Variants in KHDRBS2 observed in about 807,000 individuals in gnomAD.
KHDRBS2 encodes KH RNA binding domain containing, signal transduction associated 2.
Under a neutral mutation model 44.3 loss-of-function variants are expected in KHDRBS2, and 26 were observed. The observed-to-expected ratio is 0.59, with a 90% CI of 0.43 to 0.81. The LOEUF is 0.81. Among genes scored for constraint, KHDRBS2 ranks in the 40% least tolerant of loss-of-function variants. The probability of loss-of-function intolerance (pLI) is 0.00; values close to 1 mark genes in which losing one functional copy is unlikely to be tolerated. For synonymous variants in KHDRBS2, 194 were observed against 151.1 expected (o/e 1.28, Z -2.08); for missense variants, 476 against 433.1 (o/e 1.10, Z -0.88).
chr6:61,751,622 GA>G (rs1198497921), intron 6 of KHDRBS2, among the ~76,000 whole-genome samples: 1 of 152,274 alleles, frequency 6.6e-6, no homozygotes, highest in East Asian at 1.9e-4. Context: ...ATTTTGTCTG[GA>G]AAAGTAGGAA....
At chr6:62,148,438 C>T (rs1814397058) in intron 2 of KHDRBS2, among the ~76,000 whole-genome samples, 2 of 151,782 alleles carry the variant, frequency 1.3e-5, no homozygotes, top group South Asian at 4.1e-4. Flanking sequence ...AGATAGAGTA[C>T]AATATGGTAA....
intron 1 of KHDRBS2, among the ~76,000 whole-genome samples, chr6:62,260,490 C>G (rs566891311): frequency 6.6e-6 from 1 of 152,054 alleles, no homozygotes; most frequent in Non-Finnish European, 1.5e-5. Flanking sequence ...CACACTATTT[C>G]CAAGTAGTTA....
chr6:61,606,807 T>C, the KHDRBS2 span, among the ~76,000 whole-genome samples: 2 of 152,152 alleles, frequency 1.3e-5, no homozygotes, highest in Non-Finnish European at 2.9e-5. Flanking sequence ...CAGGTGCAAA[T>C]ATCTTCCACA....
chr6:61,818,723 T>C (rs1789387492), intron 6 of KHDRBS2, among the ~76,000 whole-genome samples: 1 of 152,016 alleles, frequency 6.6e-6, no homozygotes, highest in Non-Finnish European at 1.5e-5. Context: ...GTTTGGTTAC[T>C]GTAAGCCATT....
intron 3 of KHDRBS2, among the ~76,000 whole-genome samples, chr6:61,989,046 A>G (rs1176033824): frequency 6.6e-6 from 1 of 152,234 alleles, no homozygotes; most frequent in Non-Finnish European, 1.5e-5. Context: ...ACAGACAAAT[A>G]CAAATTAAAA....
At chr6:61,575,050 TATGCCAAGAGTTC>T in the KHDRBS2 span, among the ~76,000 whole-genome samples, 1 of 152,180 alleles carries the variant, frequency 6.6e-6, no homozygotes, top group Non-Finnish European at 1.5e-5. Flanking sequence ...GACATTGGCT[TATGCCAAGAGTTC>T]ATGACCAAGA....
rs1302457900 is a variant in KHDRBS2, at chr6:61,873,337, T to G, written c.810+21298A>C. On this transcript the variant is annotated intron_variant, in intron 6 of 8. Transcript: ENST00000281156. ...TGCAAAAACAGTAGAAAAACAGGCA[T>G]AGTTATGCAAGCATTTCCAAAAAAT... Among the ~76,000 whole-genome samples, 7 of 152,074 alleles carry G rather than the reference T, an allele frequency of 4.6e-5. No homozygotes were observed. The East Asian group carries it at 1.4e-3, about 29-fold the overall frequency.
At chr6:62,025,145 A>C (rs1783059323) in intron 3 of KHDRBS2, among the ~76,000 whole-genome samples, 1 of 151,772 alleles carries the variant, frequency 6.6e-6, no homozygotes, top group African/African-American at 2.4e-5. Flanking sequence ...AGTATACTTA[A>C]TGAAACTGAA....
rs558176607 is a variant in KHDRBS2, at chr6:61,955,439, T to C, written c.483+22627A>G. ...ATATATACACATACGTATGTGTATG[T>C]ATACATATGTGTATATATACATATG... On this transcript the variant is annotated intron_variant, in intron 4 of 8. Transcript: ENST00000281156. Among the ~76,000 whole-genome samples the C allele has an allele frequency of 9.2e-5, 6 of 65,134 alleles. 1 individual carries two copies. The highest frequency in any genetic ancestry group is 2.8e-4 in the African/African-American group (6 of 21,580). The allele number at this position is 65,134 out of a possible 152,430, so 42.7% of individuals were successfully genotyped here. A position where few individuals can be genotyped will look rare whatever the true frequency, so the allele number is the denominator to read the frequency against.
intron 8 of KHDRBS2, among the ~76,000 whole-genome samples, chr6:61,689,505 T>C (rs767047996): frequency 1.3e-5 from 2 of 151,936 alleles, no homozygotes; most frequent in East Asian, 3.9e-4. Context: ...GGCCTATCTA[T>C]GGGCATCCCC....
intron 6 of KHDRBS2, among the ~76,000 whole-genome samples, chr6:61,863,629 G>C (rs1028375225): frequency 6.6e-6 from 1 of 152,124 alleles, no homozygotes; most frequent in Non-Finnish European, 1.5e-5. Context: ...TAATTTGATT[G>C]TACTGTGATC....
chr6:61,830,770 T>C (rs1312387217), intron 6 of KHDRBS2, among the ~76,000 whole-genome samples: 1 of 152,202 alleles, frequency 6.6e-6, no homozygotes, highest in Admixed American at 6.5e-5. Flanking sequence ...GAAGTTGGAA[T>C]ACATGCTTGA....
chr6:61,589,196 C>T, the KHDRBS2 span, among the ~76,000 whole-genome samples: 1 of 152,074 alleles, frequency 6.6e-6, no homozygotes, highest in African/African-American at 2.4e-5. Flanking sequence ...AACTCTGTAA[C>T]AAATCTGCAT....
chr6:61,703,330 C>T (rs182490345), intron 7 of KHDRBS2, among the ~76,000 whole-genome samples: 119 of 151,764 alleles, frequency 7.8e-4, no homozygotes, highest in Middle Eastern at 3.4e-3. Flanking sequence ...GGTTTAAACA[C>T]GAGCTTTTGA....
the KHDRBS2 span, among the ~76,000 whole-genome samples, chr6:61,674,838 C>T: frequency 6.6e-6 from 1 of 151,634 alleles, no homozygotes; most frequent in Non-Finnish European, 1.5e-5. Context: ...AACAACCCTA[C>T]AAACTTCGGT....
intron 4 of KHDRBS2, among the ~76,000 whole-genome samples, chr6:61,943,357 A>G (rs1486780691): frequency 6.6e-6 from 1 of 152,108 alleles, no homozygotes; most frequent in Non-Finnish European, 1.5e-5. Flanking sequence ...ATGGACTCAA[A>G]TGACACCATT....
chr6:62,253,415 A>T (rs1563140396), intron 1 of KHDRBS2, among the ~76,000 whole-genome samples: 2 of 151,930 alleles, frequency 1.3e-5, no homozygotes, highest in Non-Finnish European at 2.9e-5. Context: ...ACCCATCCCT[A>T]GGGTTTTTGT....
intron 6 of KHDRBS2, among the ~76,000 whole-genome samples, chr6:61,804,402 CTG>C (rs1016790408): frequency 1.3e-5 from 2 of 152,096 alleles, no homozygotes; most frequent in African/African-American, 4.8e-5. Flanking sequence ...CATTGAATGT[CTG>C]TGGATTTTCT....
At chr6:62,047,729 G>A (rs1788024100) in intron 3 of KHDRBS2, 149 bp downstream of exon 3, 1 of 639,900 alleles carries the variant, frequency 1.6e-6, no homozygotes. Flanking sequence ...GAAGAGAGAG[G>A]AGATAGCAGA....
Sources: gnomAD v4.1 joint callset for allele counts (sites outside exome capture counted in the v4.1 genomes callset) on GRCh38, gnomAD v4.1.1 for gene constraint, MANE v1.5 for transcripts, NCBI Gene and HGNC (gene_info 2026-07-23, HGNC 2026-07-21) for gene names.